LYST: variants seen among roughly 807,000 people sequenced by gnomAD.
LYST encodes the protein lysosomal-trafficking regulator.
Under a neutral mutation model 413.6 loss-of-function variants are expected in LYST, and 192 were observed. The ratio of observed to expected loss-of-function variants is 0.46; its 90% confidence interval spans 0.41 to 0.52. The LOEUF (loss-of-function observed/expected upper bound fraction) is 0.52, where lower values mean the gene tolerates loss of function less well. LYST is among the 20% of genes least tolerant of loss of function. LYST has a pLI of 0.00. For synonymous variants in LYST, 1,525 were observed against 1,567.3 expected (o/e 0.97, Z 0.64); for missense variants, 3,815 against 4,499.9 (o/e 0.85, Z 4.35).
chr1:235,768,661 G>GA (rs1288142001), intron 20 of LYST, among the ~76,000 whole-genome samples: 9 of 151,918 alleles, frequency 5.9e-5, no homozygotes, highest in African/African-American at 1.7e-4. Flanking sequence ...ATACAAAAGT[G>GA]AAAAAATATA....
chr1:235,773,356 C>T (rs146774268), intron 19 of LYST, among the ~76,000 whole-genome samples: 2 of 151,482 alleles, frequency 1.3e-5, no homozygotes, highest in African/African-American at 2.4e-5. Flanking sequence ...AACAAAAAAA[C>T]GAGTATATGC....
chr1:235,841,610 G>A (rs1047500301), intron 1 of LYST, among the ~76,000 whole-genome samples: 2 of 152,338 alleles, frequency 1.3e-5, no homozygotes, highest in Admixed American at 1.3e-4. Flanking sequence ...ACTGAAGACA[G>A]GGGCAAGAGA....
chr1:235,771,913 GTTT>G (rs1668721280), intron 19 of LYST, among the ~76,000 whole-genome samples: 2 of 95,182 alleles, frequency 2.1e-5, no homozygotes, highest in Non-Finnish European at 4.3e-5. Flanking sequence ...AGGTTTTTTA[GTTT>G]GTTTTTTTTT....
chr1:235,738,014 G>T (rs1319735253), intron 31 of LYST: 3 of 1,517,842 alleles, frequency 2.0e-6, no homozygotes, highest in Admixed American at 2.0e-5. Flanking sequence ...ATACGCTCAA[G>T]GATCAGCTTA....
chr1:235,729,789 G>T, intron 36 of LYST, 132 bp from the exon 37 acceptor site: 2 of 681,512 alleles, frequency 2.9e-6, no homozygotes, highest in East Asian at 2.7e-5. Context: ...GAGGTATCTT[G>T]TCGAAACCCA....
intron 46 of LYST, 117 bp from the exon 47 acceptor site, chr1:235,693,603 A>G (rs1660849515): frequency 1.9e-6 from 2 of 1,050,994 alleles, no homozygotes; most frequent in African/African-American, 1.6e-5. Context: ...CATTTGGTGC[A>G]AGACCATCTT....
At chr1:235,748,708 T>C (rs1284358833) in intron 28 of LYST, among the ~76,000 whole-genome samples, 1 of 152,054 alleles carries the variant, frequency 6.6e-6, no homozygotes, top group African/African-American at 2.4e-5. Flanking sequence ...CTGAATGAGG[T>C]TGTAAGATTA....
rs537320266 is a variant in LYST at position 235,813,164 on chromosome 1, G to T, written c.193-103C>A. 5.9e-5 allele frequency: 43 copies of T among 723,286 alleles called. No homozygotes were observed. The African/African-American group carries it at 7.2e-4, about 12-fold the overall frequency. The allele number at this position is 723,286 out of a possible 1,614,324, so 44.8% of individuals were successfully genotyped here. On this transcript the variant is annotated intron_variant, in intron 3 of 52. Coordinates refer to ENST00000389793, the MANE Select transcript of LYST (RefSeq NM_000081.4). ...AACCAAAAAATCCTTTTTCTTGAAA[G>T]TCTGCATTTGAAAAGCTAAGAATCA...
chr1:235,679,209 G>A (rs898438268), intron 48 of LYST, among the ~76,000 whole-genome samples: 14 of 152,258 alleles, frequency 9.2e-5, no homozygotes, highest in African/African-American at 3.4e-4. Flanking sequence ...TAGTAAGCCT[G>A]GATCCCTGGG....
Position 235,733,649 on chromosome 1 carries a change from T to G in LYST, c.8655A>C (p.Lys2885Asn). The G allele has an allele frequency of 6.2e-7, 1 of 1,613,842 alleles. No individual in the cohort carries two copies. The highest frequency in any genetic ancestry group is 8.5e-7 in the Non-Finnish European group (1 of 1,179,822). ...CTGCCTGGGTGATATCTGCAGCTAT[T>G]TTAGATATATCCTTTGATTTTGAAT... is the stretch of plus-strand genomic sequence containing the variant. ...RLDSKSKDIS[K>N]IAADITQAVS... The change falls in exon 34 of 53, where the codon AAA becomes AAC. Residue 2885 changes from lysine (K) to asparagine (N), a missense_variant. By Grantham distance (94) the Lys-to-Asn change is moderately conservative. Coordinates refer to ENST00000389793, the MANE Select transcript of LYST (RefSeq NM_000081.4).
chr1:235,717,579 C>A (rs147343437), intron 40 of LYST, among the ~76,000 whole-genome samples: 174 of 152,268 alleles, frequency 1.1e-3, no homozygotes, highest in African/African-American at 3.7e-3. Context: ...GGCTGAGGAA[C>A]CATCTGGTCT....
chr1:235,746,635 T>C, intron 28 of LYST, 108 bp from the exon 29 acceptor site: 1 of 761,018 alleles, frequency 1.3e-6, no homozygotes, highest in Non-Finnish European at 2.3e-6. Context: ...CAACCTTATT[T>C]ACTACAAAGT....
Position 235,719,496 on chromosome 1 carries a change from T to G in LYST, c.9560+1165A>C, listed in dbSNP as rs180961787. Among the ~76,000 whole-genome samples the G allele has an allele frequency of 2.2e-4, 33 of 152,148 alleles. 1 individual carries two copies. The highest frequency in any genetic ancestry group is 2.0e-3 in the Admixed American group (30 of 15,282). On this transcript the variant is annotated intron_variant, in intron 40 of 52. Transcript: ENST00000389793. ...GATTCAAGCAATAATCATCAATGGA[T>G]GAAACCATTAGGTACAAATTCAATG...
At position 235,733,495 on chromosome 1, in the gene LYST, C is replaced by T. The variant is rs1664557422; in HGVS notation, c.8801+8G>A. ...GAAGACAATTTTAACTGACCTCCCG[C>T]AGCTTACCTATCATGTGTCAGCTGC... On this transcript the variant is annotated splice_region_variant and intron_variant, in intron 34 of 52. Coordinates refer to ENST00000389793, the MANE Select transcript of LYST (RefSeq NM_000081.4). The T allele has an allele frequency of 6.2e-7, 1 of 1,613,208 alleles. No homozygotes were observed. The highest frequency in any genetic ancestry group is 1.7e-5 in the Admixed American group (1 of 59,984).
intron 34 of LYST, among the ~76,000 whole-genome samples, 197 bp downstream of exon 34, chr1:235,733,306 A>G (rs1251545694): frequency 6.6e-6 from 1 of 152,084 alleles, no homozygotes; most frequent in African/African-American, 2.4e-5. Context: ...TGCCCCCCTC[A>G]TTACTTTTCT....
intron 46 of LYST, among the ~76,000 whole-genome samples, chr1:235,696,706 A>C (rs982946208): frequency 1.3e-5 from 2 of 152,170 alleles, no homozygotes; most frequent in Non-Finnish European, 2.9e-5. Context: ...CTATCTCGAC[A>C]TCCTTGTTGT....
intron 3 of LYST, chr1:235,827,316 C>T (rs910494753): frequency 2.3e-6 from 1 of 441,398 alleles, no homozygotes; most frequent in African/African-American, 2.2e-5. Context: ...TTACAGTGAG[C>T]CATGATTGTG....
At chr1:235,738,247 A>G (rs1309308487) in intron 31 of LYST, 70 of 1,610,960 alleles carry the variant, frequency 4.3e-5, no homozygotes, top group Non-Finnish European at 5.8e-5. Context: ...GGCAAAGACT[A>G]TACTGTAACT....
intron 47 of LYST, among the ~76,000 whole-genome samples, chr1:235,688,678 C>A (rs180935953): frequency 6.6e-6 from 1 of 152,046 alleles, no homozygotes; most frequent in Non-Finnish European, 1.5e-5. Flanking sequence ...AATCTCAGAG[C>A]GTGAGTCTTT....
Sources: gnomAD v4.1 joint callset for allele counts (sites outside exome capture counted in the v4.1 genomes callset) on GRCh38, gnomAD v4.1.1 for gene constraint, MANE v1.5 for transcripts, NCBI Gene and HGNC (gene_info 2026-07-23, HGNC 2026-07-21) for gene names.